APC: variants seen among roughly 807,000 people sequenced by gnomAD.
APC encodes APC regulator of Wnt signaling pathway.
Under a neutral mutation model 247.0 loss-of-function variants are expected in APC, and 72 were observed. That is an observed-to-expected ratio of 0.29 (90% CI 0.24 to 0.35). The LOEUF (loss-of-function observed/expected upper bound fraction) is 0.35. Among genes scored for constraint, APC ranks in the 10% least tolerant of loss-of-function variants. APC has a pLI of 1.00. For missense variants in APC, 3,400 were observed against 3,360.7 expected (o/e 1.01, Z -0.29); for synonymous variants, 1,254 against 1,162.5 (o/e 1.08, Z -1.60).
At chr5:112,801,922 A>G (rs1416555712) in intron 8 of APC, among the ~76,000 whole-genome samples, 5 of 152,074 alleles carry the variant, frequency 3.3e-5, no homozygotes, top group Non-Finnish European at 5.9e-5. Flanking sequence ...CAGCAAAATT[A>G]TGAAAGTAAA....
rs185766978 is a variant in APC, at chr5:112,795,875, T to A, written c.729+3346T>A. On this transcript the variant is annotated intron_variant, in intron 7 of 15. Coordinates refer to ENST00000257430, the MANE Select transcript of APC (RefSeq NM_000038.6). Reference sequence around the variant, plus strand: ...ATATAATACAAGAGAAAGAGATGAGTGAAACTACAGAGTAAAGATGAAGGG... The same window carrying A: ...ATATAATACAAGAGAAAGAGATGAGAGAAACTACAGAGTAAAGATGAAGGG... Among the ~76,000 whole-genome samples, 236 of 151,924 alleles carry A rather than the reference T, an allele frequency of 1.6e-3. 2 individuals carry two copies. Among genetic ancestry groups the A allele is most frequent in the Non-Finnish European group, 6.0e-4 (41 of 67,924 alleles).
intron 4 of APC, among the ~76,000 whole-genome samples, chr5:112,768,212 T>G (rs1375648652): frequency 6.6e-6 from 1 of 151,974 alleles, no homozygotes. Flanking sequence ...CCTGGCTAAT[T>G]TTATATTTTG....
At chr5:112,739,552 G>T (rs1326362144) in intron 1 of APC, among the ~76,000 whole-genome samples, 3 of 152,150 alleles carry the variant, frequency 2.0e-5, no homozygotes, top group African/African-American at 7.2e-5. Context: ...CTTGATCATG[G>T]ATATCAGGGT....
Position 112,840,070 on chromosome 5 carries a change from C to A in APC, c.4476C>A (p.Ala1492=), listed in dbSNP as rs2149915694. The A allele has an allele frequency of 6.2e-7, 1 of 1,614,082 alleles. No homozygotes were observed. Among genetic ancestry groups the A allele is most frequent in the South Asian group, 1.1e-5 (1 of 91,072 alleles). ...LPDADTLLHF[A]TESTPDGFSC... ...ATGCTGATACTTTATTACATTTTGC[C>A]ACGGAAAGTACTCCAGATGGATTTT... is the stretch of plus-strand genomic sequence containing the variant. The change falls in exon 16 of 16, where the codon GCC becomes GCA. Residue 1492 remains alanine, a synonymous_variant. Transcript: ENST00000257430. This position sits in a 1 kb window ranked among gnomAD's most constrained non-coding sequence, Gnocchi z 4.1.
At position 112,838,671 on chromosome 5, in the gene APC, A is replaced by G. The variant is rs1114167603; in HGVS notation, c.3077A>G (p.Asn1026Ser). 1 of 1,614,208 alleles carries G rather than the reference A, an allele frequency of 6.2e-7. No individual in the cohort carries two copies. The highest frequency in any genetic ancestry group is 8.5e-7 in the Non-Finnish European group (1 of 1,180,044). The stretch of plus-strand genomic sequence containing the variant: ...GATGGAGAACTAGATACACCAATAA[A>G]TTATAGTCTTAAATATTCAGATGAG... ...DNDGELDTPI[N>S]YSLKYSDEQL... Residue 1026 changes from asparagine (N) to serine (S), a missense_variant, in exon 16 of 16, where the codon AAT (asparagine) becomes AGT (serine). Asn to Ser is a conservative substitution (Grantham distance 46). Around this residue, in one of 9 missense-constraint regions of APC, gnomAD observed 715 missense variants for 656.6 expected, o/e 1.09. Transcript: ENST00000257430.
At chr5:112,762,103 AT>A in intron 2 of APC, among the ~76,000 whole-genome samples, 1 of 152,344 alleles carries the variant, frequency 6.6e-6, no homozygotes, top group South Asian at 2.1e-4. Flanking sequence ...TGAAAAGACA[AT>A]TCAAAAAGAA....
Position 112,843,690 on chromosome 5 carries a change from A to G in APC, c.8096A>G (p.Asp2699Gly), listed in dbSNP as rs773904555. ...KANPNIKDSKDNQAKQNVGNG... is the reference protein window; with the variant it reads ...KANPNIKDSKGNQAKQNVGNG... ...AATCCAAACATTAAAGATTCAAAAG[A>G]TAATCAGGCAAAACAAAATGTGGGT... The change falls in exon 16 of 16, where the codon GAT (aspartate) becomes GGT (glycine). Residue 2699 changes from aspartate (D) to glycine (G), a missense_variant. Around this residue, in one of 9 missense-constraint regions of APC, gnomAD observed 1,788 missense variants for 1,649.5 expected, o/e 1.08. Transcript: ENST00000257430. The surrounding 1 kb of genome is among the most constrained non-coding windows in gnomAD (Gnocchi z 4.8). 6.2e-7 allele frequency: 1 copy of G among 1,614,106 alleles called. No individual in the cohort carries two copies. Among genetic ancestry groups the G allele is most frequent in the East Asian group, 2.2e-5 (1 of 44,884 alleles).
rs773494804 is a variant in APC, at chr5:112,839,188, A to G, written c.3594A>G (p.Ser1198=). 2 of 1,614,140 alleles carry G rather than the reference A, an allele frequency of 1.2e-6. No individual in the cohort carries two copies. Among genetic ancestry groups the G allele is most frequent in the South Asian group, 2.2e-5 (2 of 91,086 alleles). The part of the protein sequence containing the change: ...PSSQKQSFSF[S]KSSSGQSSKT... ...CACAGAAACAGTCATTTTCATTCTC[A>G]AAGAGTTCATCTGGACAAAGCAGTA... Residue 1198 remains serine, a synonymous_variant, in exon 16 of 16, where the codon TCA becomes TCG. Transcript: ENST00000257430. The surrounding 1 kb of genome is among the most constrained non-coding windows in gnomAD (Gnocchi z 5.0).
chr5:112,812,718 G>C (rs1222612102), intron 8 of APC, among the ~76,000 whole-genome samples: 1 of 152,150 alleles, frequency 6.6e-6, no homozygotes, highest in African/African-American at 2.4e-5. Flanking sequence ...GTATTTTCAT[G>C]TTCAGCTCCT....
chr5:112,769,385 C>T (rs1309137927), intron 4 of APC, among the ~76,000 whole-genome samples: 2 of 151,876 alleles, frequency 1.3e-5, no homozygotes, highest in East Asian at 3.9e-4. Flanking sequence ...GTTTTAATAC[C>T]TGAAAAAAAA....
At chr5:112,785,005 A>G (rs1005555017) in intron 6 of APC, among the ~76,000 whole-genome samples, 1 of 152,124 alleles carries the variant, frequency 6.6e-6, no homozygotes, top group African/African-American at 2.4e-5. Flanking sequence ...TAGAGGTTGC[A>G]GTGAGCTATG....
intron 10 of APC, among the ~76,000 whole-genome samples, chr5:112,821,503 T>G (rs1314897363): frequency 1.3e-5 from 2 of 150,674 alleles, no homozygotes; most frequent in African/African-American, 5.0e-5. Context: ...GACCCTGTTT[T>G]GTTTTTTTTT....
intron 6 of APC, among the ~76,000 whole-genome samples, chr5:112,789,859 T>A (rs907151158): frequency 6.1e-5 from 8 of 131,438 alleles, no homozygotes; most frequent in South Asian, 2.5e-4. Context: ...TAAAGAATAT[T>A]TTTTTTTTTT....
intron 1 of APC, among the ~76,000 whole-genome samples, chr5:112,726,972 C>T (rs1047211288): frequency 8.5e-5 from 13 of 152,068 alleles, no homozygotes; most frequent in African/African-American, 2.4e-4. Flanking sequence ...GCATTATGAA[C>T]GCCTATATTA....
intron 1 of APC, among the ~76,000 whole-genome samples, chr5:112,744,978 A>G (rs1753476494): frequency 6.6e-6 from 1 of 152,190 alleles, no homozygotes; most frequent in Non-Finnish European, 1.5e-5. Context: ...CACCTACCTC[A>G]TAGGTGGTTG....
chr5:112,733,821 A>C (rs1017087994), upstream of APC, among the ~76,000 whole-genome samples: 1 of 152,224 alleles, frequency 6.6e-6, no homozygotes, highest in Non-Finnish European at 1.5e-5. Context: ...ACTAAACTCC[A>C]AACTGTCTCT....
At chr5:112,713,901 G>A (rs1342991688) in intron 1 of APC, among the ~76,000 whole-genome samples, 3 of 152,076 alleles carry the variant, frequency 2.0e-5, no homozygotes, top group South Asian at 2.1e-4. Context: ...CAAGTGATCC[G>A]CCCACCTTGG....
At chr5:112,830,295 A>C (rs578080391) in intron 14 of APC, among the ~76,000 whole-genome samples, 1 of 152,286 alleles carries the variant, frequency 6.6e-6, no homozygotes, top group African/African-American at 2.4e-5. Flanking sequence ...CATGGCCGAT[A>C]AGCCCTTGAA....
At chr5:112,787,069 G>A (rs1350721590) in intron 6 of APC, among the ~76,000 whole-genome samples, 1 of 151,910 alleles carries the variant, frequency 6.6e-6, no homozygotes, top group Non-Finnish European at 1.5e-5. Context: ...TGTATTTTTA[G>A]TAGAGACGGG....
Sources: allele counts gnomAD v4.1 joint callset (sites outside exome capture counted in the v4.1 genomes callset), GRCh38; gene constraint gnomAD v4.1.1; regional missense constraint gnomAD v4.1.1; non-coding constraint Gnocchi (gnomAD v3.1); transcripts MANE v1.5; gene names NCBI Gene and HGNC (gene_info 2026-07-23, HGNC 2026-07-21).